FKBP9: variants seen among roughly 807,000 people sequenced by gnomAD.
The protein encoded by FKBP9 is peptidyl-prolyl cis-trans isomerase FKBP9.
FKBP9 carries 27 observed loss-of-function variants against 55.6 expected under a neutral mutation model. The ratio of observed to expected loss-of-function variants is 0.49; its 90% CI spans 0.36 to 0.67. The LOEUF (loss-of-function observed/expected upper bound fraction) is 0.67. Ranked by LOEUF, FKBP9 falls within the 30% of genes least tolerant of loss-of-function variation. FKBP9 has a pLI of 0.00. For missense variants in FKBP9, 539 were observed against 742.8 expected, an observed-to-expected ratio of 0.73 and a Z score of 3.19; for synonymous variants, 267 against 296.5, an observed-to-expected ratio of 0.90 and a Z score of 1.02.
intron 3 of FKBP9, 89 bp downstream of exon 3, chr7:32,975,460 A>G: frequency 9.6e-7 from 1 of 1,040,316 alleles, no homozygotes; most frequent in South Asian, 1.5e-5. Context: ...GCTGATGGGG[A>G]TACCAGAATA....
At chr7:32,957,892 C>A in intron 1 of FKBP9, 98 bp downstream of exon 1, 2 of 901,652 alleles carry the variant, frequency 2.2e-6, no homozygotes, top group South Asian at 2.2e-5. Flanking sequence ...AGCTCCGCCC[C>A]GTGCAGCCGC....
chr7:32,974,518 C>T, intron 1 of FKBP9, 99 bp from the exon 2 acceptor site: 1 of 1,008,892 alleles, frequency 9.9e-7, no homozygotes, highest in Admixed American at 2.1e-5. Context: ...TTTGCTATGG[C>T]CCCATTACAT....
intron 4 of FKBP9, among the ~76,000 whole-genome samples, chr7:32,977,525 G>A (rs1454695359): frequency 1.3e-5 from 2 of 152,144 alleles, no homozygotes; most frequent in Non-Finnish European, 2.9e-5. Flanking sequence ...AAAAGGTACA[G>A]TAAAGACATG....
intron 1 of FKBP9, among the ~76,000 whole-genome samples, chr7:32,959,821 C>T (rs995671405): frequency 1.3e-5 from 2 of 151,954 alleles, no homozygotes; most frequent in Admixed American, 6.6e-5. Context: ...TGTAATATTC[C>T]ATTGTGTCCA....
intron 7 of FKBP9, among the ~76,000 whole-genome samples, chr7:32,998,270 C>T (rs1784855714): frequency 6.6e-6 from 1 of 152,054 alleles, no homozygotes; most frequent in East Asian, 1.9e-4. Flanking sequence ...CTGTAAGGTC[C>T]GTGGCTGCTG....
At chr7:32,994,247 C>T (rs1348506799) in intron 6 of FKBP9, among the ~76,000 whole-genome samples, 1 of 152,188 alleles carries the variant, frequency 6.6e-6, no homozygotes, top group Non-Finnish European at 1.5e-5. Flanking sequence ...ACCCTGTCCT[C>T]ATCCATCCAC....
chr7:33,000,807 G>T (rs1784915946), intron 8 of FKBP9, among the ~76,000 whole-genome samples: 1 of 151,932 alleles, frequency 6.6e-6, no homozygotes, highest in African/African-American at 2.4e-5. Flanking sequence ...CAGCGACAGG[G>T]TCTCACTCTG....
At chr7:32,998,432 C>T (rs1027061404) in intron 7 of FKBP9, 5 of 152,068 alleles carry the variant, frequency 3.3e-5, no homozygotes, top group African/African-American at 1.2e-4. Context: ...CTCCCTGCCT[C>T]CTGCTTGTGT....
rs375302857 is a variant in FKBP9 at position 33,005,385 on chromosome 7, G to A, written c.*34G>A. On this transcript the variant is annotated 3_prime_UTR_variant, in exon 10 of 10. Coordinates refer to ENST00000242209, the MANE Select transcript of FKBP9 (RefSeq NM_007270.5). ...TGAACCAGATGGTGCCAGGGAGTAC[G>A]TGACACCAAGCCACCTGTGTGGCAA... 62 of 1,609,426 alleles carry A rather than the reference G, an allele frequency of 3.9e-5. No homozygotes were observed. Among genetic ancestry groups the A allele is most frequent in the Admixed American group, 5.0e-5 (3 of 59,704 alleles).
rs1224245413 is a variant in FKBP9 at position 33,005,243 on chromosome 7, G to T, written c.1605G>T (p.Glu535Asp). 6.2e-7 allele frequency: 1 copy of T among 1,614,180 alleles called. No individual in the cohort carries two copies. The part of the protein sequence containing the change: ...KGKLAPGFDA[E>D]LIVKNMFTNQ... ...AACTCGCTCCTGGCTTTGATGCTGAGCTGATTGTGAAGAATATGTTCACCA... is the reference window on the plus strand; with the variant it reads ...AACTCGCTCCTGGCTTTGATGCTGATCTGATTGTGAAGAATATGTTCACCA... The change falls in exon 10 of 10, where the codon GAG becomes GAT. Residue 535 changes from glutamate (E) to aspartate (D), a missense_variant. Coordinates refer to ENST00000242209, the MANE Select transcript of FKBP9 (RefSeq NM_007270.5).
chr7:32,984,601 T>G (rs1334201495), intron 5 of FKBP9, among the ~76,000 whole-genome samples: 1 of 152,116 alleles, frequency 6.6e-6, no homozygotes, highest in East Asian at 1.9e-4. Flanking sequence ...AATGCAAAAA[T>G]GTATAGCAGA....
intron 6 of FKBP9, among the ~76,000 whole-genome samples, chr7:32,993,861 T>C (rs1340303984): frequency 6.6e-6 from 1 of 152,188 alleles, no homozygotes; most frequent in African/African-American, 2.4e-5. Context: ...TTTCATTCCT[T>C]TTTATTGCTG....
chr7:32,962,810 A>C (rs1784051048), intron 1 of FKBP9, among the ~76,000 whole-genome samples: 1 of 147,128 alleles, frequency 6.8e-6, no homozygotes, highest in Admixed American at 7.1e-5. Context: ...GTGAGAGGAC[A>C]GGCATACTCT....
chr7:33,006,098 T>TTA lies in FKBP9; in HGVS notation c.*748_*749insAT, dbSNP rs1171865589. 9.8e-5 allele frequency: 20 copies of TTA among 204,978 alleles called. No homozygotes were observed. The highest frequency in any genetic ancestry group is 1.7e-4 in the Non-Finnish European group (18 of 103,096). The allele number at this position is 204,978 out of a possible 1,614,324, so 12.7% of individuals were successfully genotyped here. On this transcript the variant is annotated 3_prime_UTR_variant, in exon 10 of 10. Transcript: ENST00000242209. The stretch of plus-strand genomic sequence containing the variant: ...TGCTTAGCTTTTCCTTTCCTTTTTT[T>TTA]TTTTTTTTTTTTTTCTGGAGGCAGA...
Position 32,999,527 on chromosome 7 carries a change from C to T in FKBP9, c.1227-588C>T, listed in dbSNP as rs572714618. ...TGCTACAGACATAAACACTTTACAC[C>T]TCAAGGCCAAACATTTATTGAGCCC... On this transcript the variant is annotated intron_variant, in intron 7 of 9. Coordinates refer to ENST00000242209, the MANE Select transcript of FKBP9 (RefSeq NM_007270.5). 2.0e-5 allele frequency among the ~76,000 whole-genome samples: 3 copies of T among 150,822 alleles called. No homozygotes were observed. In the South Asian group the frequency reaches 6.3e-4, roughly 32 times the overall value.
At chr7:32,997,084 G>A (rs1177815735) in intron 7 of FKBP9, among the ~76,000 whole-genome samples, 32 of 151,104 alleles carry the variant, frequency 2.1e-4, no homozygotes, top group Admixed American at 1.8e-3. Context: ...GTGAGCCTCC[G>A]CGCCCGGCCA....
chr7:32,999,296 G>A (rs1252284210), intron 7 of FKBP9, among the ~76,000 whole-genome samples: 2 of 152,114 alleles, frequency 1.3e-5, no homozygotes. Context: ...AGGGGGGTCA[G>A]GGGGCTTTTC....
chr7:33,003,100 G>T (rs1372454032), intron 9 of FKBP9, among the ~76,000 whole-genome samples: 1 of 152,186 alleles, frequency 6.6e-6, no homozygotes, highest in East Asian at 1.9e-4. Flanking sequence ...TTTAGTTCTC[G>T]TTACTGGGTG....
intron 1 of FKBP9, among the ~76,000 whole-genome samples, chr7:32,969,784 C>T (rs1784218590): frequency 6.6e-6 from 1 of 152,076 alleles, no homozygotes; most frequent in Admixed American, 6.6e-5. Flanking sequence ...AGTCTGATCA[C>T]CTGAGGTCAG....
Sources: allele counts gnomAD v4.1 joint callset (sites outside exome capture counted in the v4.1 genomes callset), GRCh38; gene constraint gnomAD v4.1.1; transcripts MANE v1.5; gene names NCBI Gene and HGNC (gene_info 2026-07-23, HGNC 2026-07-21).